Variants in ZC3H3 observed in about 807,000 individuals in gnomAD.
The protein encoded by ZC3H3 is zinc finger CCCH domain-containing protein 3.
ZC3H3 carries 36 observed loss-of-function variants against 77.3 expected under a neutral mutation model. The observed-to-expected ratio is 0.47, with a 90% CI of 0.36 to 0.61. The LOEUF is 0.61. ZC3H3 is among the 20% of genes least tolerant of loss of function. The pLI is 0.00. For missense variants in ZC3H3, 1,331 were observed against 1,312.2 expected (o/e 1.01, Z -0.22); for synonymous variants, 626 against 555.2 (o/e 1.13, Z -1.79).
intron 9 of ZC3H3, among the ~76,000 whole-genome samples, chr8:143,465,442 G>A (rs987683933): frequency 6.6e-6 from 1 of 152,194 alleles, no homozygotes; most frequent in Admixed American, 6.5e-5. Flanking sequence ...CCTACCATGG[G>A]GGGCCAGCTC....
chr8:143,468,350 C>A (rs1446638968), intron 7 of ZC3H3, 32 bp downstream of exon 7: 1 of 1,611,678 alleles, frequency 6.2e-7, no homozygotes, highest in Non-Finnish European at 8.5e-7. Context: ...CACAGAACCT[C>A]CCCCAGGCCC....
intron 4 of ZC3H3, among the ~76,000 whole-genome samples, chr8:143,482,412 T>C (rs562392202): frequency 2.6e-5 from 4 of 152,272 alleles, no homozygotes; most frequent in Non-Finnish European, 4.4e-5. Context: ...TAAATGTGTG[T>C]TGCGAGAACA....
intron 8 of ZC3H3, among the ~76,000 whole-genome samples, 192 bp downstream of exon 8, chr8:143,468,017 C>A (rs897769035): frequency 6.6e-6 from 1 of 152,190 alleles, no homozygotes; most frequent in African/African-American, 2.4e-5. Context: ...GCGCTGCTTT[C>A]CGGGGAAGAG....
chr8:143,489,272 G>A (rs114627285), intron 4 of ZC3H3, among the ~76,000 whole-genome samples: 1 of 152,186 alleles, frequency 6.6e-6, no homozygotes, highest in African/African-American at 2.4e-5. Flanking sequence ...CTCCATGACT[G>A]CTAGTACCCA....
chr8:143,503,341 T>C (rs2980269), intron 4 of ZC3H3, among the ~76,000 whole-genome samples: 78,320 of 151,840 alleles, frequency 0.52, 20,397 homozygotes, highest in East Asian at 0.67. Context: ...ATGTCTGGCG[T>C]GTGCCTCAAT....
intron 2 of ZC3H3, among the ~76,000 whole-genome samples, chr8:143,537,646 G>A (rs1291429770): frequency 1.3e-5 from 2 of 151,718 alleles, no homozygotes; most frequent in Non-Finnish European, 2.9e-5. Flanking sequence ...ACCCTGGACT[G>A]GTCCCTGGGA....
At chr8:143,458,296 C>T (rs950300477) in intron 9 of ZC3H3, among the ~76,000 whole-genome samples, 1 of 152,386 alleles carries the variant, frequency 6.6e-6, no homozygotes, top group East Asian at 1.9e-4. Context: ...GAAAATCTAA[C>T]TAGATCTACA....
chr8:143,504,155 C>A (rs1472315648), intron 4 of ZC3H3, among the ~76,000 whole-genome samples: 1 of 152,192 alleles, frequency 6.6e-6, no homozygotes, highest in Non-Finnish European at 1.5e-5. Flanking sequence ...CTCCCCAGTG[C>A]CCAGGGCAGA....
chr8:143,534,248 G>T (rs910923086), intron 3 of ZC3H3, among the ~76,000 whole-genome samples: 12 of 150,604 alleles, frequency 8.0e-5, no homozygotes, highest in African/African-American at 1.2e-4. Flanking sequence ...TCTGGCCTGG[G>T]AGGGAAGCAG....
Position 143,538,354 on chromosome 8 carries a change from C to T in ZC3H3, c.1013G>A (p.Cys338Tyr). The change falls in exon 2 of 12, where the codon TGC becomes TAC. Residue 338 changes from cysteine to tyrosine, a missense_variant. By Grantham distance (194) the Cys-to-Tyr change is radical (BLOSUM62 -2). This residue lies in a region of ZC3H3 where 978 missense variants were observed against 915.5 expected (regional missense o/e 1.07). Transcript: ENST00000262577. ...GTTTGCCATGCCAGCAGAGGCCTTGCACACATTCTCTGCAGCCACTCTGGG... is the reference window on the plus strand; with the variant it reads ...GTTTGCCATGCCAGCAGAGGCCTTGTACACATTCTCTGCAGCCACTCTGGG... Reference protein sequence around the residue: ...LSPRVAAENVCKASAGMANKV... With the variant: ...LSPRVAAENVYKASAGMANKV... 6.2e-7 allele frequency: 1 copy of T among 1,613,038 alleles called. No homozygotes were observed. The highest frequency in any genetic ancestry group is 1.3e-5 in the African/African-American group (1 of 75,074).
At chr8:143,463,415 G>A (rs1458798435) in intron 9 of ZC3H3, among the ~76,000 whole-genome samples, 2 of 152,214 alleles carry the variant, frequency 1.3e-5, no homozygotes, top group Non-Finnish European at 2.9e-5. Context: ...CATAAGGGCA[G>A]GAGCCCTGGC....
intron 9 of ZC3H3, among the ~76,000 whole-genome samples, chr8:143,449,631 G>T (rs1034907012): frequency 2.6e-5 from 4 of 152,266 alleles, no homozygotes; most frequent in African/African-American, 9.6e-5. Flanking sequence ...CCAGCTACTT[G>T]GGAGGCTGAG....
intron 3 of ZC3H3, among the ~76,000 whole-genome samples, chr8:143,522,635 T>C (rs1189563787): frequency 2.1e-5 from 3 of 144,296 alleles, no homozygotes; most frequent in East Asian, 4.3e-4. Flanking sequence ...ACAAATATAT[T>C]GGGCTGGGTG....
At chr8:143,475,810 G>A (rs372342654) in intron 4 of ZC3H3, among the ~76,000 whole-genome samples, 214 of 152,182 alleles carry the variant, frequency 1.4e-3, no homozygotes, top group Non-Finnish European at 2.4e-3. Context: ...CATTTTGGCC[G>A]TCATCAGGGA....
intron 11 of ZC3H3, among the ~76,000 whole-genome samples, 158 bp from the exon 12 acceptor site, chr8:143,438,245 G>C (rs567721234): frequency 1.9e-4 from 29 of 152,192 alleles, no homozygotes; most frequent in Non-Finnish European, 3.8e-4. Flanking sequence ...AGGGAGAAGA[G>C]CACAGACAGG....
At chr8:143,456,493 C>T (rs991421143) in intron 9 of ZC3H3, among the ~76,000 whole-genome samples, 2 of 151,924 alleles carry the variant, frequency 1.3e-5, no homozygotes, top group African/African-American at 2.4e-5. Flanking sequence ...AGAAAACAGG[C>T]GTGGCTATAT....
In ZC3H3 at chr8:143,530,864, A is replaced by G. The variant is rs752918052; in HGVS notation, c.1561+5393T>C. On this transcript the variant is annotated intron_variant, in intron 3 of 11. Transcript: ENST00000262577. This position sits in a 1 kb window ranked among gnomAD's most constrained non-coding sequence, Gnocchi z 4.3. ...CAAATGCCCCCTCTAGCATCGGTCC[A>G]CCAGAGACAGATCAACCCAGGCAGG... Among the ~76,000 whole-genome samples, 5 of 151,366 alleles carry G rather than the reference A, an allele frequency of 3.3e-5. No homozygotes were observed. The highest frequency in any genetic ancestry group is 7.4e-5 in the Non-Finnish European group (5 of 67,884).
intron 9 of ZC3H3, among the ~76,000 whole-genome samples, chr8:143,447,477 G>A (rs1351162019): frequency 6.6e-6 from 1 of 152,196 alleles, no homozygotes; most frequent in Non-Finnish European, 1.5e-5. Context: ...TCTAAATAAG[G>A]TCTGGAGTTG....
At chr8:143,439,042 C>A (rs1819655991) in intron 11 of ZC3H3, among the ~76,000 whole-genome samples, 3 of 152,048 alleles carry the variant, frequency 2.0e-5, no homozygotes, top group Non-Finnish European at 4.4e-5. Flanking sequence ...AAGGTGCACA[C>A]AGGACCCCTC....
Sources: gnomAD v4.1 joint callset for allele counts (sites outside exome capture counted in the v4.1 genomes callset) on GRCh38, gnomAD v4.1.1 for gene constraint, gnomAD v4.1.1 regional missense constraint, Gnocchi (gnomAD v3.1) non-coding constraint, MANE v1.5 for transcripts, NCBI Gene and HGNC (gene_info 2026-07-23, HGNC 2026-07-21) for gene names.